The following PPP4R2 variants were observed in gnomAD, a reference collection of about 807,000 sequenced individuals.
The protein encoded by PPP4R2 is protein phosphatase 4 regulatory subunit 2.
Under a neutral mutation model 47.2 loss-of-function variants are expected in PPP4R2, and 13 were observed. That is an observed-to-expected ratio of 0.28 (90% CI 0.18 to 0.44). PPP4R2 has a LOEUF of 0.44. Ranked by LOEUF, PPP4R2 falls within the 20% of genes least tolerant of loss-of-function variation. PPP4R2 has a pLI of 1.00. For missense variants in PPP4R2, 421 were observed against 491.2 expected (o/e 0.86, Z 1.35); for synonymous variants, 151 against 163.3 (o/e 0.92, Z 0.57).
chr3:73,049,549 T>A (rs1306685007), intron 3 of PPP4R2, among the ~76,000 whole-genome samples: 1 of 152,066 alleles, frequency 6.6e-6, no homozygotes, highest in Non-Finnish European at 1.5e-5. Flanking sequence ...TACATATATA[T>A]AAATAGTACT....
At position 73,061,004 on chromosome 3, in the gene PPP4R2, C is replaced by T; in HGVS notation, c.382-19C>T. 6.5e-7 allele frequency: 1 copy of T among 1,537,406 alleles called. No individual in the cohort carries two copies. Among genetic ancestry groups the T allele is most frequent in the Non-Finnish European group, 8.8e-7 (1 of 1,133,782 alleles). On this transcript the variant is annotated intron_variant, in intron 4 of 8. Transcript: ENST00000356692. ...TAGTACTTTTCTTCATACTAAATCA[C>T]TGATTTTTGTTATTGCAGAATGTGA...
At chr3:73,021,071 T>C (rs796780794) in intron 2 of PPP4R2, among the ~76,000 whole-genome samples, 4 of 152,288 alleles carry the variant, frequency 2.6e-5, no homozygotes, top group African/African-American at 9.6e-5. Flanking sequence ...GCTTAATGTT[T>C]ACTGGTTAAA....
chr3:73,064,144 CAG>C lies in PPP4R2; in HGVS notation c.637_638del (p.Ser213Ter). The C allele has an allele frequency of 1.2e-6, 2 of 1,607,446 alleles. No individual in the cohort carries two copies. Among genetic ancestry groups the C allele is most frequent in the Non-Finnish European group, 1.7e-6 (2 of 1,178,130 alleles). ...NLQQNEEKNH[S>X]DSSTSESEVS... is the part of the protein sequence containing the mutation. ...TGCAGCAAAATGAGGAGAAAAATCA[CAG>C]GTTTGTATGTTTTATATTTAAAAAC... On this transcript the variant is annotated frameshift_variant and splice_region_variant, in exon 7 of 9. Coordinates refer to ENST00000356692, the MANE Select transcript of PPP4R2 (RefSeq NM_174907.4). LOFTEE classifies it high-confidence loss of function.
chr3:73,031,650 G>GA (rs1702165730), intron 2 of PPP4R2, among the ~76,000 whole-genome samples: 1 of 152,184 alleles, frequency 6.6e-6, no homozygotes, highest in African/African-American at 2.4e-5. Context: ...CCTCTCTGAT[G>GA]AAAGAGGATA....
Position 73,065,486 on chromosome 3 carries a change from T to C in PPP4R2, c.1018T>C (p.Ser340Pro). ...DDALTVNEETSEENNQMEESD... is the reference protein window; with the variant it reads ...DDALTVNEETPEENNQMEESD... ...TGCCTTAACTGTGAATGAAGAGACT[T>C]CTGAGGAAAATAATCAAATGGAGGA... is the stretch of plus-strand genomic sequence containing the variant. The change falls in exon 9 of 9, where the codon TCT becomes CCT. Residue 340 changes from serine (S) to proline (P), a missense_variant. Transcript: ENST00000356692. The C allele has an allele frequency of 6.2e-7, 1 of 1,611,732 alleles. No homozygotes were observed. The highest frequency in any genetic ancestry group is 8.5e-7 in the Non-Finnish European group (1 of 1,179,688).
intron 2 of PPP4R2, among the ~76,000 whole-genome samples, chr3:73,044,741 A>G (rs1448209176): frequency 1.3e-5 from 2 of 152,114 alleles, no homozygotes; most frequent in Non-Finnish European, 2.9e-5. Flanking sequence ...TGTGTTTGCT[A>G]TTTGTATATC....
intron 2 of PPP4R2, among the ~76,000 whole-genome samples, chr3:73,041,359 A>C (rs1575870386): frequency 1.3e-5 from 2 of 152,236 alleles, no homozygotes; most frequent in Admixed American, 1.3e-4. Context: ...TCATAATTTT[A>C]TGTAAGCAAC....
At chr3:73,033,027 G>T (rs77228961) in intron 2 of PPP4R2, among the ~76,000 whole-genome samples, 1 of 152,026 alleles carries the variant, frequency 6.6e-6, no homozygotes, top group Non-Finnish European at 1.5e-5. Flanking sequence ...ACCATCTTAC[G>T]GTGGGAGACC....
chr3:73,019,772 A>G (rs1245348845), intron 2 of PPP4R2, among the ~76,000 whole-genome samples: 1 of 150,804 alleles, frequency 6.6e-6, no homozygotes, highest in Non-Finnish European at 1.5e-5. Context: ...TGAGTGAAGT[A>G]TACTTGCTCT....
chr3:73,062,624 A>C (rs1333450647), intron 5 of PPP4R2: 1 of 1,614,002 alleles, frequency 6.2e-7, no homozygotes, highest in Non-Finnish European at 8.5e-7. Context: ...AGAAGTCATC[A>C]GTTCTCCGCC....
Position 73,009,830 on chromosome 3 carries a change from G to A in PPP4R2, c.116+11672G>A, listed in dbSNP as rs926212344. Among the ~76,000 whole-genome samples the A allele has an allele frequency of 3.9e-5, 6 of 152,172 alleles. No homozygotes were observed. In the South Asian group the frequency reaches 1.2e-3, roughly 32 times the overall value. ...GTGCCTATGGAAAACATTATATGTT[G>A]AGAAATGTATTTTAGATCTTCATTT... is the stretch of plus-strand genomic sequence containing the variant. On this transcript the variant is annotated intron_variant, in intron 2 of 8. Coordinates refer to ENST00000356692, the MANE Select transcript of PPP4R2 (RefSeq NM_174907.4).
intron 3 of PPP4R2, among the ~76,000 whole-genome samples, chr3:73,052,626 T>G (rs1183917505): frequency 6.6e-6 from 1 of 152,136 alleles, no homozygotes; most frequent in East Asian, 1.9e-4. Context: ...TCCTGGCAGT[T>G]TTAAAAGATA....
chr3:73,009,244 C>T (rs1455667886), intron 2 of PPP4R2, among the ~76,000 whole-genome samples: 17 of 152,046 alleles, frequency 1.1e-4, no homozygotes, highest in Admixed American at 1.1e-3. Context: ...GTAGCGACTA[C>T]GAGTGGGGAA....
chr3:73,058,951 T>TA, intron 3 of PPP4R2, 86 bp from the exon 4 acceptor site: 1 of 791,772 alleles, frequency 1.3e-6, no homozygotes, highest in Non-Finnish European at 2.0e-6. Flanking sequence ...GGTGACTAGA[T>TA]ACAGCTTTAC....
chr3:73,049,392 GGGA>G (rs1360027202), intron 3 of PPP4R2, among the ~76,000 whole-genome samples: 10 of 152,036 alleles, frequency 6.6e-5, no homozygotes, highest in African/African-American at 2.4e-4. Context: ...CCAGCTACTC[GGGA>G]GACTGAGGCA....
chr3:73,064,761 A>G (rs1702950207), intron 7 of PPP4R2, 91 bp from the exon 8 acceptor site: 1 of 1,145,548 alleles, frequency 8.7e-7, no homozygotes, highest in South Asian at 1.5e-5. Context: ...ACACTGAAAT[A>G]CAATTTAAAA....
At chr3:73,034,109 G>A (rs1702219051) in intron 2 of PPP4R2, among the ~76,000 whole-genome samples, 1 of 151,556 alleles carries the variant, frequency 6.6e-6, no homozygotes, top group Non-Finnish European at 1.5e-5. Flanking sequence ...ATAATCATTG[G>A]TTTCTTCTCC....
chr3:73,040,374 T>TC (rs1433114373), intron 2 of PPP4R2, among the ~76,000 whole-genome samples: 5 of 152,198 alleles, frequency 3.3e-5, no homozygotes, highest in Non-Finnish European at 7.4e-5. Context: ...TACTTCGGAC[T>TC]CAATAATTTC....
intron 3 of PPP4R2, among the ~76,000 whole-genome samples, chr3:73,054,385 A>G (rs1007658529): frequency 4.6e-5 from 7 of 152,238 alleles, no homozygotes; most frequent in African/African-American, 1.4e-4. Flanking sequence ...AAGTAAAGCT[A>G]GTATCACAGG....
Sources: gnomAD v4.1 joint callset for allele counts (sites outside exome capture counted in the v4.1 genomes callset) on GRCh38, gnomAD v4.1.1 for gene constraint, MANE v1.5 for transcripts, NCBI Gene and HGNC (gene_info 2026-07-23, HGNC 2026-07-21) for gene names.